The following MAP3K7 variants were observed in gnomAD, a reference collection of about 807,000 sequenced individuals.
MAP3K7 encodes the protein TGF-beta activated kinase 1.
MAP3K7 carries 21 observed loss-of-function variants against 84.8 expected under a neutral mutation model. The ratio of observed to expected loss-of-function variants is 0.25; its 90% confidence interval spans 0.18 to 0.36. The LOEUF (loss-of-function observed/expected upper bound fraction) is 0.36, where lower values mean the gene tolerates loss of function less well. Among genes scored for constraint, MAP3K7 ranks in the 10% least tolerant of loss-of-function variants. The pLI is 1.00. For missense variants in MAP3K7, 503 were observed against 747.7 expected (o/e 0.67, Z 3.82); for synonymous variants, 241 against 247.7 (o/e 0.97, Z 0.25).
intron 13 of MAP3K7, among the ~76,000 whole-genome samples, chr6:90,531,482 G>C (rs1224762266): frequency 6.6e-6 from 1 of 152,102 alleles, no homozygotes; most frequent in Non-Finnish European, 1.5e-5. Flanking sequence ...ATTTACATGG[G>C]TACTTATTAT....
rs566864465 is a variant in MAP3K7 at position 90,573,394 on chromosome 6, T to C, written c.121-1587A>G. ...GAGTTATTATCTAACTGAGGGCACT[T>C]TGGAGATCAAAAAAAGGGCATTAAT... On this transcript the variant is annotated intron_variant, in intron 1 of 16. Transcript: ENST00000369329. Among the ~76,000 whole-genome samples the C allele has an allele frequency of 5.3e-5, 8 of 152,166 alleles. No homozygotes were observed. The South Asian group carries it at 1.4e-3, about 28-fold the overall frequency.
chr6:90,565,689 G>A (rs1426858051), intron 3 of MAP3K7, among the ~76,000 whole-genome samples: 1 of 152,174 alleles, frequency 6.6e-6, no homozygotes, highest in Admixed American at 6.5e-5. Flanking sequence ...TAGAAAAAGA[G>A]GGAATCCTCC....
intron 2 of MAP3K7, among the ~76,000 whole-genome samples, chr6:90,569,068 T>G (rs1005144463): frequency 2.6e-5 from 4 of 152,182 alleles, no homozygotes; most frequent in Non-Finnish European, 5.9e-5. Flanking sequence ...CTACTCTGCG[T>G]GGGGCCCTAA....
At chr6:90,521,663 A>G (rs1439115386) in intron 14 of MAP3K7, among the ~76,000 whole-genome samples, 1 of 152,080 alleles carries the variant, frequency 6.6e-6, no homozygotes, top group Non-Finnish European at 1.5e-5. Context: ...CTTACACTTT[A>G]TATTAATACA....
intron 13 of MAP3K7, among the ~76,000 whole-genome samples, chr6:90,526,498 T>C (rs1282350480): frequency 6.6e-6 from 1 of 152,124 alleles, no homozygotes; most frequent in Non-Finnish European, 1.5e-5. Context: ...CATTAGAAAG[T>C]ACTTGAACTG....
At position 90,544,763 on chromosome 6, in the gene MAP3K7, GA is replaced by G. The variant is rs1239885724; in HGVS notation, c.1211-132del. 5 of 709,150 alleles carry G rather than the reference GA, an allele frequency of 7.1e-6. No individual in the cohort carries two copies. In the East Asian group the frequency reaches 1.4e-4, roughly 19 times the overall value. 43.9% of individuals were successfully genotyped at this position (709,150 alleles called of 1,614,324 possible). A position where few individuals can be genotyped will look rare whatever the true frequency, so the allele number is the denominator to read the frequency against. Reference sequence around the variant, plus strand: ...AACATTTCATGCAGAATGGCATGCAGAACTACCTAACTTTTCATCCATGCTC... The same window carrying G: ...AACATTTCATGCAGAATGGCATGCAGACTACCTAACTTTTCATCCATGCTC... On this transcript the variant is annotated intron_variant, in intron 11 of 16. Coordinates refer to ENST00000369329, the MANE Select transcript of MAP3K7 (RefSeq NM_145331.3).
At chr6:90,573,088 G>A (rs1315498574) in intron 1 of MAP3K7, among the ~76,000 whole-genome samples, 1 of 152,126 alleles carries the variant, frequency 6.6e-6, no homozygotes, top group African/African-American at 2.4e-5. Context: ...CTAGAGGAAG[G>A]TACTAATGCT....
At chr6:90,579,824 G>A (rs983099889) in intron 1 of MAP3K7, among the ~76,000 whole-genome samples, 2 of 152,112 alleles carry the variant, frequency 1.3e-5, no homozygotes, top group Non-Finnish European at 2.9e-5. Context: ...ACTGAAAACT[G>A]AGTATACAAA....
intron 3 of MAP3K7, among the ~76,000 whole-genome samples, chr6:90,562,147 G>A (rs1776537030): frequency 6.6e-6 from 1 of 152,228 alleles, no homozygotes; most frequent in Non-Finnish European, 1.5e-5. Flanking sequence ...CCAGTCTACA[G>A]CTACCAGCGT....
At chr6:90,547,723 T>C (rs1776048822) in intron 10 of MAP3K7, among the ~76,000 whole-genome samples, 1 of 152,168 alleles carries the variant, frequency 6.6e-6, no homozygotes, top group Admixed American at 6.6e-5. Context: ...CATGAAATGA[T>C]AGACTTAGAA....
rs1776909206 is a variant in MAP3K7 at position 90,571,692 on chromosome 6, C to T, written c.231+5G>A. 3 of 1,536,922 alleles carry T rather than the reference C, an allele frequency of 2.0e-6. No individual in the cohort carries two copies. Among genetic ancestry groups the T allele is most frequent in the East Asian group, 2.3e-5 (1 of 42,734 alleles). ...CTACACAAAAGAAATGAAATCTCAA[C>T]TTACCTCTACAATAAACGCTTTCCT... On this transcript the variant is annotated splice_donor_5th_base_variant and intron_variant, in intron 2 of 16. Coordinates refer to ENST00000369329, the MANE Select transcript of MAP3K7 (RefSeq NM_145331.3).
chr6:90,522,779 A>G (rs1775193810), intron 14 of MAP3K7, among the ~76,000 whole-genome samples: 2 of 152,300 alleles, frequency 1.3e-5, no homozygotes, highest in South Asian at 2.1e-4. Flanking sequence ...ATAACTATAA[A>G]TACTTGAGTT....
At chr6:90,552,233 T>C (rs1776201232) in intron 7 of MAP3K7, 54 bp from the exon 8 acceptor site, 2 of 1,504,812 alleles carry the variant, frequency 1.3e-6, no homozygotes, top group African/African-American at 1.4e-5. Flanking sequence ...CAAAGAATGA[T>C]GCAAACTCTT....
At chr6:90,524,161 G>GT (rs1249139661) in intron 13 of MAP3K7, among the ~76,000 whole-genome samples, 1 of 152,102 alleles carries the variant, frequency 6.6e-6, no homozygotes, top group African/African-American at 2.4e-5. Context: ...TAGGATGGAA[G>GT]TAAGACTGGA....
rs187164244 is a variant in MAP3K7, at chr6:90,547,412, A to T, written c.1081-25T>A. 4 of 1,603,142 alleles carry T rather than the reference A, an allele frequency of 2.5e-6. No homozygotes were observed. In the African/African-American group the frequency reaches 4.1e-5, roughly 16 times the overall value. The stretch of plus-strand genomic sequence containing the variant: ...TCTGTTAAAATTACAGGTCAATCTG[A>T]ATTACTGAAGTTCTTTAGATTTAGC... On this transcript the variant is annotated intron_variant, in intron 10 of 16. Transcript: ENST00000369329.
chr6:90,542,488 A>G (rs576222964), intron 12 of MAP3K7: 141 of 985,224 alleles, frequency 1.4e-4, no homozygotes, highest in Non-Finnish European at 1.7e-4. Context: ...AATGTCATAA[A>G]AGAGGATCTC....
intron 9 of MAP3K7, among the ~76,000 whole-genome samples, chr6:90,548,453 T>A (rs921564347): frequency 6.6e-6 from 1 of 152,082 alleles, no homozygotes; most frequent in African/African-American, 2.4e-5. Context: ...GGCTATTAAT[T>A]GAGATGCGGA....
intron 1 of MAP3K7, 72 bp downstream of exon 1, chr6:90,586,692 C>T (rs1777470540): frequency 7.2e-6 from 11 of 1,527,644 alleles, no homozygotes; most frequent in Middle Eastern, 2.0e-4. Context: ...GAGGCACCTT[C>T]AGAGCCGGCA....
At chr6:90,586,356 G>A (rs559033140) in intron 1 of MAP3K7, among the ~76,000 whole-genome samples, 3 of 142,638 alleles carry the variant, frequency 2.1e-5, no homozygotes, top group South Asian at 4.6e-4. Context: ...TCCGGCCTGG[G>A]CGACAGAGCG....
Sources: gnomAD v4.1 joint callset for allele counts (sites outside exome capture counted in the v4.1 genomes callset) on GRCh38, gnomAD v4.1.1 for gene constraint, MANE v1.5 for transcripts, NCBI Gene and HGNC (gene_info 2026-07-23, HGNC 2026-07-21) for gene names.